BIN1: variants seen among roughly 807,000 people sequenced by gnomAD.
BIN1 encodes bridging integrator 1.
In BIN1, 53 loss-of-function variants were observed where a neutral mutation model predicts 82.0. The ratio of observed to expected loss-of-function variants is 0.65; its 90% CI spans 0.52 to 0.81. The LOEUF (loss-of-function observed/expected upper bound fraction) is 0.81. Among genes scored for constraint, BIN1 ranks in the 40% least tolerant of loss-of-function variants. The pLI is 0.00. For missense variants in BIN1, 642 were observed against 784.4 expected, an observed-to-expected ratio of 0.82 and a Z score of 2.17; for synonymous variants, 302 against 328.0, an observed-to-expected ratio of 0.92 and a Z score of 0.86.
chr2:127,090,906 C>T lies in BIN1; in HGVS notation c.85-14200G>A, dbSNP rs1573767772. Among the ~76,000 whole-genome samples the T allele has an allele frequency of 6.6e-6, 1 of 152,214 alleles. No homozygotes were observed. Among genetic ancestry groups the T allele is most frequent in the African/African-American group, 2.4e-5 (1 of 41,444 alleles). ...CTTCACATCACCTCCTCCAGGCAGCCTTCCCCGACTCCACTCCAGGCACAG... is the reference window on the plus strand; with the variant it reads ...CTTCACATCACCTCCTCCAGGCAGCTTTCCCCGACTCCACTCCAGGCACAG... On this transcript the variant is annotated intron_variant, in intron 1 of 18. Transcript: ENST00000316724. This position sits in a 1 kb window ranked among gnomAD's most constrained non-coding sequence, Gnocchi z 6.4.
chr2:127,099,256 A>C (rs1329057048), intron 1 of BIN1, among the ~76,000 whole-genome samples: 1 of 152,186 alleles, frequency 6.6e-6, no homozygotes, highest in Non-Finnish European at 1.5e-5. Context: ...CTTGGTGACC[A>C]CAGGGACCAG....
intron 17 of BIN1, 36 bp downstream of exon 17, chr2:127,050,766 C>T (rs778989524): frequency 3.8e-5 from 61 of 1,602,668 alleles, no homozygotes; most frequent in Middle Eastern, 1.7e-4. Flanking sequence ...CACCAGGGCA[C>T]CGAGGGACTG....
At position 127,064,007 on chromosome 2, in the gene BIN1, C is replaced by G; in HGVS notation, c.624G>C (p.Glu208Asp). Residue 208 changes from glutamate (E) to aspartate (D), a missense_variant, in exon 8 of 19, where the codon GAG becomes GAC. By Grantham distance (45) the Glu-to-Asp change is conservative. Transcript: ENST00000316724. Reference sequence around the variant, plus strand: ...CAAACACCTTCTGGGCTTTGATGAGCTCCTCCTCGGCCTGGGGGGCAGCAC... The same window carrying G: ...CAAACACCTTCTGGGCTTTGATGAGGTCCTCCTCGGCCTGGGGGGCAGCAC... ...TNLLRNQAEE[E>D]LIKAQKVFEE... The G allele has an allele frequency of 6.2e-7, 1 of 1,613,908 alleles. No homozygotes were observed. The highest frequency in any genetic ancestry group is 8.5e-7 in the Non-Finnish European group (1 of 1,180,004).
chr2:127,094,170 G>A (rs1679293155), intron 1 of BIN1, among the ~76,000 whole-genome samples: 1 of 152,244 alleles, frequency 6.6e-6, no homozygotes, highest in South Asian at 2.1e-4. Flanking sequence ...CTTGGAGGGG[G>A]AGTAACTTGT....
At chr2:127,103,888 G>A (rs1680678423) in intron 1 of BIN1, among the ~76,000 whole-genome samples, 1 of 152,266 alleles carries the variant, frequency 6.6e-6, no homozygotes, top group Admixed American at 6.5e-5. Context: ...ACAGGCTCAA[G>A]CTCCCAGCAC....
Position 127,059,255 on chromosome 2 carries a change from TATGGAGGTGTGAA to T in BIN1, c.858-113_858-101del. The T allele has an allele frequency of 1.5e-6, 2 of 1,340,314 alleles. No individual in the cohort carries two copies. Among genetic ancestry groups the T allele is most frequent in the Non-Finnish European group, 2.0e-6 (2 of 990,178 alleles). The allele number at this position is 1,340,314 out of a possible 1,614,324, so 83.0% of individuals were successfully genotyped here. A position where few individuals can be genotyped will look rare whatever the true frequency, so the allele number is the denominator to read the frequency against. On this transcript the variant is annotated intron_variant, in intron 10 of 18. Coordinates refer to ENST00000316724, the MANE Select transcript of BIN1 (RefSeq NM_139343.3). This position sits in a 1 kb window ranked among gnomAD's most constrained non-coding sequence, Gnocchi z 6.7. Reference sequence around the variant, plus strand: ...ACGTCTGTGTGAAGAGGTGTGTGCATATGGAGGTGTGAAACTGTGTGTGTGTGTGTGTGTGTGT... The same window carrying T: ...ACGTCTGTGTGAAGAGGTGTGTGCATACTGTGTGTGTGTGTGTGTGTGTGT...
intron 1 of BIN1, among the ~76,000 whole-genome samples, chr2:127,080,578 A>AC (rs1420352097): frequency 6.6e-6 from 1 of 152,186 alleles, no homozygotes; most frequent in Non-Finnish European, 1.5e-5. Context: ...GAGCCTTTGA[A>AC]AACTTGGCGG....
rs1573646005 is a variant in BIN1, at chr2:127,070,240, A to G, written c.316-150T>C. Reference sequence around the variant, plus strand: ...GTTTCCCCATCTGTAAGATGGGGGCAAATGTTCCTGCCCTATTGGGGTGAC... The same window carrying G: ...GTTTCCCCATCTGTAAGATGGGGGCGAATGTTCCTGCCCTATTGGGGTGAC... On this transcript the variant is annotated intron_variant, in intron 4 of 18. Coordinates refer to ENST00000316724, the MANE Select transcript of BIN1 (RefSeq NM_139343.3). 7 of 723,868 alleles carry G rather than the reference A, an allele frequency of 9.7e-6. No homozygotes were observed. The East Asian group carries it at 1.6e-4, about 17-fold the overall frequency. 44.8% of individuals were successfully genotyped at this position (723,868 alleles called of 1,614,324 possible).
At chr2:127,063,733 C>T (rs990957569) in intron 8 of BIN1, 87 bp from the exon 9 acceptor site, 70 of 1,475,804 alleles carry the variant, frequency 4.7e-5, no homozygotes, top group Middle Eastern at 1.7e-4. Context: ...CGACCACACA[C>T]GCTCATCAGA....
At chr2:127,079,197 C>A (rs13389543) in intron 1 of BIN1, among the ~76,000 whole-genome samples, 3,293 of 152,300 alleles carry the variant, frequency 0.022, 142 homozygotes, top group African/African-American at 0.076. Context: ...GATCTTCCAG[C>A]CTTGAGAACG....
chr2:127,068,788 TG>T lies in BIN1; in HGVS notation c.519+135del. On this transcript the variant is annotated intron_variant, in intron 6 of 18. Coordinates refer to ENST00000316724, the MANE Select transcript of BIN1 (RefSeq NM_139343.3). The surrounding 1 kb of genome is among the most constrained non-coding windows in gnomAD (Gnocchi z 4.9). ...CACAAGGGCCTCTCACTCACCGGCC[TG>T]GGCCCTGTATCGTCCCCACCCCCAG... 1.2e-6 allele frequency: 1 copy of T among 836,808 alleles called. No individual in the cohort carries two copies. Among genetic ancestry groups the T allele is most frequent in the Non-Finnish European group, 2.0e-6 (1 of 507,302 alleles). 51.8% of individuals were successfully genotyped at this position (836,808 alleles called of 1,614,324 possible).
intron 9 of BIN1, among the ~76,000 whole-genome samples, chr2:127,062,996 A>T (rs993349852): frequency 9.9e-5 from 15 of 152,130 alleles, no homozygotes; most frequent in Non-Finnish European, 1.6e-4. Context: ...AGTCAGACCC[A>T]CCACTGGGGG....
At chr2:127,073,239 TC>T (rs528380658) in intron 2 of BIN1, among the ~76,000 whole-genome samples, 47 of 152,132 alleles carry the variant, frequency 3.1e-4, no homozygotes, top group African/African-American at 1.1e-3. Flanking sequence ...GACACAGCCC[TC>T]CCCCGACGGA....
Position 127,067,625 on chromosome 2 carries a change from G to A in BIN1, c.612+538C>T, listed in dbSNP as rs1053857945. 1.3e-5 allele frequency among the ~76,000 whole-genome samples: 2 copies of A among 152,190 alleles called. No homozygotes were observed. Among genetic ancestry groups the A allele is most frequent in the Non-Finnish European group, 2.9e-5 (2 of 68,044 alleles). ...GTAACTCCTCCAGAGTCACCACGGG[G>A]ACCACAAGTCCGAGGAAAATGACGC... On this transcript the variant is annotated intron_variant, in intron 7 of 18. Coordinates refer to ENST00000316724, the MANE Select transcript of BIN1 (RefSeq NM_139343.3). This position sits in a 1 kb window ranked among gnomAD's most constrained non-coding sequence, Gnocchi z 4.7.
At chr2:127,061,966 T>C in intron 10 of BIN1, 149 bp downstream of exon 10, 1 of 840,318 alleles carries the variant, frequency 1.2e-6, no homozygotes, top group Non-Finnish European at 1.8e-6. Context: ...CCTGCCTCCC[T>C]GAGCACAGAG....
chr2:127,106,779 G>T, intron 1 of BIN1, 81 bp downstream of exon 1: 1 of 1,501,760 alleles, frequency 6.7e-7, no homozygotes, highest in Non-Finnish European at 9.0e-7. Context: ...CCAGGCCCCG[G>T]GGTCGGAGGA....
rs894095656 is a variant in BIN1, at chr2:127,057,364, C to A, written c.1131+109G>T. ...GGTGAGAGAGGGAAACTGACACTCT[C>A]TCTGGCCAGATTCCTGGCTCTTGAG... On this transcript the variant is annotated intron_variant, in intron 12 of 18. Coordinates refer to ENST00000316724, the MANE Select transcript of BIN1 (RefSeq NM_139343.3). This position sits in a 1 kb window ranked among gnomAD's most constrained non-coding sequence, Gnocchi z 5.0. The A allele has an allele frequency of 3.7e-5, 51 of 1,372,570 alleles. No homozygotes were observed. In the East Asian group the frequency reaches 1.3e-3, roughly 35 times the overall value. 85.0% of individuals were successfully genotyped at this position (1,372,570 alleles called of 1,614,324 possible).
intron 12 of BIN1, chr2:127,054,230 G>T (rs553005979): frequency 1.7e-6 from 1 of 595,324 alleles, no homozygotes; most frequent in South Asian, 1.8e-5. Flanking sequence ...AAAGCCACGC[G>T]CCCCGGCACA....
At position 127,069,017 on chromosome 2, in the gene BIN1, C is replaced by T. The variant is rs1685518060; in HGVS notation, c.426G>A (p.Lys142=). Residue 142 remains lysine, a synonymous_variant, in exon 6 of 19, where the codon AAG becomes AAA. Coordinates refer to ENST00000316724, the MANE Select transcript of BIN1 (RefSeq NM_139343.3). ...QFPDIKSRIA[K]RGRKLVDYDS... is the part of the protein sequence containing the mutation. ...CGTAGTCCACCAGCTTGCGCCCCCG[C>T]TTGGCAATGCGTGACTGGGGCAGAC... 6.2e-7 allele frequency: 1 copy of T among 1,614,018 alleles called. No homozygotes were observed. The highest frequency in any genetic ancestry group is 1.3e-5 in the African/African-American group (1 of 74,956).
Sources: gnomAD v4.1 joint callset for allele counts (sites outside exome capture counted in the v4.1 genomes callset) on GRCh38, gnomAD v4.1.1 for gene constraint, Gnocchi (gnomAD v3.1) non-coding constraint, MANE v1.5 for transcripts, NCBI Gene and HGNC (gene_info 2026-07-23, HGNC 2026-07-21) for gene names.